Variants in SECISBP2L observed in about 807,000 individuals in gnomAD.
The protein encoded by SECISBP2L is selenocysteine insertion sequence-binding protein 2-like.
A neutral mutation model predicts 114.7 loss-of-function variants in SECISBP2L; 43 were observed. The observed-to-expected ratio is 0.38, with a 90% CI of 0.29 to 0.48. The LOEUF is 0.48. SECISBP2L is among the 20% of genes least tolerant of loss of function. SECISBP2L has a pLI of 0.98. For synonymous variants in SECISBP2L, 451 were observed against 439.7 expected (o/e 1.03, Z -0.32); for missense variants, 1,136 against 1,301.1 (o/e 0.87, Z 1.95).
At chr15:48,998,384 G>A (rs1223879828) in intron 16 of SECISBP2L, among the ~76,000 whole-genome samples, 2 of 152,112 alleles carry the variant, frequency 1.3e-5, no homozygotes, top group Non-Finnish European at 2.9e-5. Flanking sequence ...AAAAAGGAAG[G>A]ACAAATTCTG....
At position 49,043,975 on chromosome 15, in the gene SECISBP2L, A is replaced by G. The variant is rs188241523; in HGVS notation, c.24+2301T>C. ...GGCAAAAAAAAAGCGTTTTTTTTTT[A>G]AAGTTACACTTGTAAAGTACACAAG... On this transcript the variant is annotated intron_variant, in intron 1 of 17. Coordinates refer to ENST00000559471, the MANE Select transcript of SECISBP2L (RefSeq NM_001193489.2). Among the ~76,000 whole-genome samples the G allele has an allele frequency of 3.3e-5, 5 of 151,820 alleles. No individual in the cohort carries two copies. In the East Asian group the frequency reaches 9.6e-4, roughly 29 times the overall value.
intron 7 of SECISBP2L, 24 bp downstream of exon 7, chr15:49,027,341 T>G (rs779887894): frequency 1.9e-6 from 3 of 1,556,420 alleles, no homozygotes; most frequent in Non-Finnish European, 2.7e-6. Flanking sequence ...CCTAATCAAT[T>G]TTCTCCAACC....
In SECISBP2L at chr15:48,998,760, C is replaced by A. The variant is rs988461589; in HGVS notation, c.2403+1073G>T. 3.3e-5 allele frequency among the ~76,000 whole-genome samples: 5 copies of A among 152,126 alleles called. 1 individual carries two copies. Among genetic ancestry groups the A allele is most frequent in the Admixed American group, 3.3e-4 (5 of 15,274 alleles). On this transcript the variant is annotated intron_variant, in intron 16 of 17. Transcript: ENST00000559471. ...GATAATATACCAAGCTGGTCTGGAACTCCTGGCCTCAAGCACTCCTCCCAC... is the reference window on the plus strand; with the variant it reads ...GATAATATACCAAGCTGGTCTGGAAATCCTGGCCTCAAGCACTCCTCCCAC...
intron 14 of SECISBP2L, among the ~76,000 whole-genome samples, chr15:49,006,792 C>G (rs531174177): frequency 7.8e-4 from 119 of 152,210 alleles, no homozygotes; most frequent in Non-Finnish European, 1.2e-3. Context: ...AAGCCTACTT[C>G]CGTCAATTTG....
chr15:49,022,007 T>G (rs1312498174), intron 7 of SECISBP2L, among the ~76,000 whole-genome samples: 2 of 152,142 alleles, frequency 1.3e-5, no homozygotes, highest in Non-Finnish European at 2.9e-5. Context: ...AATTTTAAAG[T>G]TTTCATACCC....
chr15:49,016,819 C>T, intron 10 of SECISBP2L, 29 bp downstream of exon 10: 1 of 1,598,342 alleles, frequency 6.3e-7, no homozygotes, highest in South Asian at 1.1e-5. Context: ...AGTAAACTAT[C>T]ACATTTGTTC....
chr15:49,039,226 G>A (rs1038521606), intron 1 of SECISBP2L, among the ~76,000 whole-genome samples: 3 of 152,132 alleles, frequency 2.0e-5, no homozygotes, highest in African/African-American at 7.2e-5. Context: ...TTAGTGAACT[G>A]AAGTTGGTTT....
chr15:49,017,175 G>A (rs1204005447), intron 9 of SECISBP2L, 160 bp from the exon 10 acceptor site: 3 of 685,976 alleles, frequency 4.4e-6, no homozygotes, highest in African/African-American at 1.8e-5. Context: ...GACCATTTCA[G>A]ACTGGGAAAT....
chr15:49,027,610 A>AT (rs1038828132), intron 6 of SECISBP2L, 130 bp from the exon 7 acceptor site: 2,092 of 358,270 alleles, frequency 5.8e-3, no homozygotes, highest in East Asian at 0.018. Flanking sequence ...AAACCTTATT[A>AT]TTTTTTTTTT....
At chr15:49,044,904 T>C (rs1236356268) in intron 1 of SECISBP2L, among the ~76,000 whole-genome samples, 1 of 152,196 alleles carries the variant, frequency 6.6e-6, no homozygotes, top group Non-Finnish European at 1.5e-5. Context: ...GAACAAAATG[T>C]TGAACCCTTT....
At position 48,995,563 on chromosome 15, in the gene SECISBP2L, C is replaced by T. The variant is rs898279134; in HGVS notation, c.2623+804G>A. On this transcript the variant is annotated intron_variant, in intron 17 of 17. Coordinates refer to ENST00000559471, the MANE Select transcript of SECISBP2L (RefSeq NM_001193489.2). The stretch of plus-strand genomic sequence containing the variant: ...CCTCCCAGAGAAAAGAAAAAAAGAA[C>T]GAACAAAGAGCCAAATGAAAGAAGG... 7.3e-5 allele frequency among the ~76,000 whole-genome samples: 11 copies of T among 151,422 alleles called. No individual in the cohort carries two copies. In the South Asian group the frequency reaches 8.3e-4, roughly 11 times the overall value.
At chr15:49,030,060 C>A (rs200686676) in intron 4 of SECISBP2L, among the ~76,000 whole-genome samples, 5 of 142,758 alleles carry the variant, frequency 3.5e-5, no homozygotes, top group East Asian at 2.0e-4. Context: ...AAAAAAAAAA[C>A]AAAAAACAAG....
chr15:49,039,807 G>C (rs1012623870), intron 1 of SECISBP2L, among the ~76,000 whole-genome samples: 3 of 151,976 alleles, frequency 2.0e-5, no homozygotes, highest in East Asian at 3.9e-4. Flanking sequence ...TGGGATTATA[G>C]GCATGAGCCT....
At chr15:49,037,480 TTAA>T (rs2141086153) in intron 2 of SECISBP2L, 108 bp downstream of exon 2, 1 of 924,654 alleles carries the variant, frequency 1.1e-6, no homozygotes, top group East Asian at 2.7e-5. Flanking sequence ...TTTACTCCTC[TTAA>T]TAGAGAAATG....
intron 2 of SECISBP2L, 70 bp from the exon 3 acceptor site, chr15:49,035,728 T>C (rs1902993024): frequency 6.7e-6 from 9 of 1,347,914 alleles, no homozygotes; most frequent in Non-Finnish European, 9.1e-6. Flanking sequence ...CAAAATCTCT[T>C]AACTTACACT....
At chr15:49,014,237 T>G (rs939865094) in intron 11 of SECISBP2L, among the ~76,000 whole-genome samples, 1 of 152,224 alleles carries the variant, frequency 6.6e-6, no homozygotes, top group Admixed American at 6.5e-5. Flanking sequence ...CCTTGCCTTC[T>G]GTAACATTAC....
chr15:49,045,822 C>G (rs1903235137), intron 1 of SECISBP2L, among the ~76,000 whole-genome samples: 1 of 152,188 alleles, frequency 6.6e-6, no homozygotes, highest in Admixed American at 6.5e-5. Flanking sequence ...CCATTGAACA[C>G]AGACCTAAAA....
Position 48,992,849 on chromosome 15 carries a change from G to C in SECISBP2L, c.2701C>G (p.His901Asp), listed in dbSNP as rs1437780785. 6.2e-7 allele frequency: 1 copy of C among 1,614,134 alleles called. No homozygotes were observed. Among genetic ancestry groups the C allele is most frequent in the South Asian group, 1.1e-5 (1 of 91,084 alleles). Residue 901 changes from histidine to aspartate, a missense_variant, in exon 18 of 18, where the codon CAC becomes GAC. Physicochemically the swap from His to Asp is moderately conservative, Grantham distance 81. Around this residue, in one of 2 missense-constraint regions of SECISBP2L, gnomAD observed 684 missense variants for 848.7 expected, o/e 0.81. Coordinates refer to ENST00000559471, the MANE Select transcript of SECISBP2L (RefSeq NM_001193489.2). ...SENEKEVSCK[H>D]STSEKPSKLP... Reference sequence around the variant, plus strand: ...TTACTGGGTTTTTCAGAAGTGCTGTGCTTACAGGATACCTCTTTCTCATTT... The same window carrying C: ...TTACTGGGTTTTTCAGAAGTGCTGTCCTTACAGGATACCTCTTTCTCATTT...
intron 1 of SECISBP2L, among the ~76,000 whole-genome samples, chr15:49,040,316 A>C (rs915736264): frequency 9.2e-5 from 14 of 152,200 alleles, no homozygotes; most frequent in East Asian, 1.9e-4. Flanking sequence ...CACACACACA[A>C]AAGAGAGAGA....
Sources: allele counts gnomAD v4.1 joint callset (sites outside exome capture counted in the v4.1 genomes callset), GRCh38; gene constraint gnomAD v4.1.1; regional missense constraint gnomAD v4.1.1; transcripts MANE v1.5; gene names NCBI Gene and HGNC (gene_info 2026-07-23, HGNC 2026-07-21).